BICD1: variants seen among roughly 807,000 people sequenced by gnomAD.
The protein encoded by BICD1 is protein bicaudal D homolog 1.
BICD1 carries 35 observed loss-of-function variants against 92.5 expected under a neutral mutation model. The ratio of observed to expected loss-of-function variants is 0.38; its 90% CI spans 0.29 to 0.50. The LOEUF is 0.50. Among genes scored for constraint, BICD1 ranks in the 20% least tolerant of loss-of-function variants. The pLI, the probability that BICD1 is intolerant of heterozygous loss-of-function variation, is 0.93. For missense variants in BICD1, 950 were observed against 1,189.8 expected (o/e 0.80, Z 2.97); for synonymous variants, 429 against 465.1 (o/e 0.92, Z 1.00).
chr12:32,314,866 A>T (rs1948460094), intron 4 of BICD1, among the ~76,000 whole-genome samples: 2 of 151,238 alleles, frequency 1.3e-5, no homozygotes, highest in Admixed American at 6.6e-5. Context: ...AAACCCCTGG[A>T]CTCTCCTGGC....
At chr12:32,263,549 GA>G (rs570635188) in intron 2 of BICD1, among the ~76,000 whole-genome samples, 1,540 of 99,106 alleles carry the variant, frequency 0.016, 19 homozygotes, top group African/African-American at 0.041. Flanking sequence ...ATCCCAAAAA[GA>G]AAAAAAAAAA....
intron 1 of BICD1, among the ~76,000 whole-genome samples, chr12:32,131,357 C>T (rs1942541450): frequency 6.6e-6 from 1 of 152,106 alleles, no homozygotes; most frequent in South Asian, 2.1e-4. Context: ...AGGTGGTGCT[C>T]ATTTTCTATT....
At chr12:32,375,474 G>A (rs1485026635) in intron 9 of BICD1, among the ~76,000 whole-genome samples, 1 of 152,156 alleles carries the variant, frequency 6.6e-6, no homozygotes, top group Non-Finnish European at 1.5e-5. Context: ...AGGTTGCAGT[G>A]AGCCGAGATC....
At chr12:32,122,444 G>A (rs1276967927) in intron 1 of BICD1, among the ~76,000 whole-genome samples, 9 of 149,402 alleles carry the variant, frequency 6.0e-5, no homozygotes, top group South Asian at 2.1e-4. Context: ...AGCTGAGATC[G>A]CGCCACTGCA....
intron 4 of BICD1, among the ~76,000 whole-genome samples, chr12:32,320,156 C>T (rs1420990359): frequency 1.3e-5 from 2 of 152,028 alleles, no homozygotes; most frequent in South Asian, 4.2e-4. Flanking sequence ...TTGTGCATAT[C>T]GATGCTATGT....
intron 2 of BICD1, among the ~76,000 whole-genome samples, chr12:32,258,712 A>C (rs1946780589): frequency 6.6e-6 from 1 of 152,236 alleles, no homozygotes; most frequent in African/African-American, 2.4e-5. Context: ...GCTGAAGCAG[A>C]GAGGGAAGAC....
chr12:32,176,038 CTA>C (rs1290374524), intron 1 of BICD1, among the ~76,000 whole-genome samples: 1 of 152,190 alleles, frequency 6.6e-6, no homozygotes. Context: ...CAAGGTTCAT[CTA>C]TGTTGTCGCC....
intron 8 of BICD1, among the ~76,000 whole-genome samples, chr12:32,348,674 T>A (rs1938720746): frequency 6.7e-6 from 1 of 148,604 alleles, no homozygotes; most frequent in Admixed American, 6.9e-5. Flanking sequence ...ACTGTCTGCC[T>A]CTCCTGACTC....
At chr12:32,272,266 A>G (rs1299098012) in intron 2 of BICD1, among the ~76,000 whole-genome samples, 2 of 152,124 alleles carry the variant, frequency 1.3e-5, no homozygotes, top group Non-Finnish European at 2.9e-5. Flanking sequence ...GAGAGGTTTT[A>G]TTTTTGCATT....
At chr12:32,303,862 C>T (rs941033701) in intron 3 of BICD1, among the ~76,000 whole-genome samples, 1 of 152,056 alleles carries the variant, frequency 6.6e-6, no homozygotes, top group African/African-American at 2.4e-5. Flanking sequence ...ATCACAAGGT[C>T]AGGAGATTGA....
intron 1 of BICD1, among the ~76,000 whole-genome samples, chr12:32,151,855 C>T (rs780377408): frequency 3.3e-5 from 5 of 152,200 alleles, no homozygotes; most frequent in Non-Finnish European, 7.3e-5. Context: ...CCTTTTTCTC[C>T]TTCCCTGTGG....
At chr12:32,173,066 GGAGACAGCGTCTCACTCTGTC>G (rs1943993525) in intron 1 of BICD1, among the ~76,000 whole-genome samples, 1 of 141,524 alleles carries the variant, frequency 7.1e-6, no homozygotes, top group Non-Finnish European at 1.6e-5. Context: ...TGTTTTTTTT[GGAGACAGCGTCTCACTCTGTC>G]GCCAGGCTGG....
chr12:32,259,877 G>C (rs1215603864), intron 2 of BICD1, among the ~76,000 whole-genome samples: 1 of 151,894 alleles, frequency 6.6e-6, no homozygotes. Flanking sequence ...GAGAAAACAA[G>C]CTGTGTGTCT....
intron 2 of BICD1, among the ~76,000 whole-genome samples, chr12:32,268,696 T>C (rs1385427911): frequency 1.3e-5 from 2 of 152,110 alleles, no homozygotes; most frequent in Admixed American, 6.5e-5. Flanking sequence ...CTTGGGAGGC[T>C]GAGGCAGAAG....
At chr12:32,323,860 T>C (rs1349039725) in intron 4 of BICD1, among the ~76,000 whole-genome samples, 2 of 152,256 alleles carry the variant, frequency 1.3e-5, no homozygotes, top group Non-Finnish European at 2.9e-5. Flanking sequence ...TTTTGTGATC[T>C]TTAAATATTT....
intron 1 of BICD1, among the ~76,000 whole-genome samples, chr12:32,169,705 G>A (rs1157963101): frequency 1.3e-5 from 2 of 152,064 alleles, no homozygotes; most frequent in East Asian, 3.9e-4. Flanking sequence ...AACCTAGGTC[G>A]CTGGACAGCT....
intron 1 of BICD1, among the ~76,000 whole-genome samples, chr12:32,172,005 T>G (rs1943960434): frequency 6.7e-6 from 1 of 148,596 alleles, no homozygotes; most frequent in African/African-American, 2.5e-5. Flanking sequence ...ACTGCTGACA[T>G]TGAGCATTAT....
intron 1 of BICD1, among the ~76,000 whole-genome samples, chr12:32,182,218 A>G (rs374359198): frequency 6.7e-6 from 1 of 149,786 alleles, no homozygotes; most frequent in Non-Finnish European, 1.5e-5. Context: ...CTGATTTCCT[A>G]TGACACAGAC....
chr12:32,367,233 A>G (rs1042567714), intron 8 of BICD1, among the ~76,000 whole-genome samples: 2 of 152,228 alleles, frequency 1.3e-5, no homozygotes, highest in Admixed American at 6.5e-5. Flanking sequence ...GACTGACAAT[A>G]TGTCCATGTG....
Sources: allele counts gnomAD v4.1 joint callset (sites outside exome capture counted in the v4.1 genomes callset), GRCh38; gene constraint gnomAD v4.1.1; transcripts MANE v1.5; gene names NCBI Gene and HGNC (gene_info 2026-07-23, HGNC 2026-07-21).